Variants in KAZN observed in about 807,000 individuals in gnomAD.
The protein encoded by KAZN is kazrin.
KAZN carries 40 observed loss-of-function variants against 87.4 expected under a neutral mutation model. The ratio of observed to expected loss-of-function variants is 0.46; its 90% confidence interval spans 0.36 to 0.60. The LOEUF (loss-of-function observed/expected upper bound fraction) is 0.60. Among genes scored for constraint, KAZN ranks in the 20% least tolerant of loss-of-function variants. KAZN has a pLI of 0.00. For missense variants in KAZN, 898 were observed against 1,073.9 expected (o/e 0.84, Z 2.29); for synonymous variants, 466 against 458.3 (o/e 1.02, Z -0.22).
chr1:15,070,273 T>C (rs10927664), intron 8 of KAZN, among the ~76,000 whole-genome samples: 12,771 of 152,264 alleles, frequency 0.084, 1,696 homozygotes, highest in African/African-American at 0.29. Flanking sequence ...CTCACTTTTG[T>C]GACTCAGTCT....
chr1:14,120,594 G>C (rs188777523), intron 1 of KAZN, among the ~76,000 whole-genome samples: 45 of 152,306 alleles, frequency 3.0e-4, no homozygotes, highest in Admixed American at 2.9e-3. Context: ...AGAGGTACCT[G>C]GTCCAAATAT....
chr1:14,801,239 C>T (rs1259699637), intron 1 of KAZN, among the ~76,000 whole-genome samples: 1 of 151,986 alleles, frequency 6.6e-6, no homozygotes, highest in African/African-American at 2.4e-5. Flanking sequence ...TTTCTCTCTC[C>T]GTCACCGCTC....
intron 2 of KAZN, among the ~76,000 whole-genome samples, chr1:14,446,806 G>A (rs1386371288): frequency 6.6e-6 from 1 of 152,062 alleles, no homozygotes; most frequent in East Asian, 1.9e-4. Context: ...GATTGCTGGG[G>A]CTTGACCCTG....
intron 1 of KAZN, among the ~76,000 whole-genome samples, chr1:13,912,804 T>A (rs1398631658): frequency 2.0e-5 from 3 of 151,080 alleles, no homozygotes. Context: ...CTATGTTGGC[T>A]AGGCTGGTCT....
intron 1 of KAZN, among the ~76,000 whole-genome samples, chr1:14,016,948 T>C (rs1479794043): frequency 6.6e-6 from 1 of 152,216 alleles, no homozygotes; most frequent in Non-Finnish European, 1.5e-5. Flanking sequence ...TAAAAATGTC[T>C]TTGCTGCTTT....
intron 1 of KAZN, among the ~76,000 whole-genome samples, chr1:14,609,618 G>T (rs774631903): frequency 6.6e-6 from 1 of 152,070 alleles, no homozygotes; most frequent in African/African-American, 2.4e-5. Flanking sequence ...CCTTTTTTCA[G>T]GATTCTCCTG....
At chr1:14,591,660 T>C (rs1033019473) in intron 2 of KAZN, among the ~76,000 whole-genome samples, 3 of 152,198 alleles carry the variant, frequency 2.0e-5, no homozygotes, top group Non-Finnish European at 4.4e-5. Flanking sequence ...GTTGGTTAAA[T>C]ATATACACAG....
chr1:14,423,526 C>G (rs1665547966), intron 2 of KAZN, among the ~76,000 whole-genome samples: 1 of 152,086 alleles, frequency 6.6e-6, no homozygotes, highest in East Asian at 1.9e-4. Flanking sequence ...TTTTGAAGAC[C>G]TCAGCTCCCC....
intron 1 of KAZN, among the ~76,000 whole-genome samples, chr1:14,068,021 A>G (rs967304790): frequency 1.3e-5 from 2 of 152,150 alleles, no homozygotes; most frequent in Non-Finnish European, 2.9e-5. Flanking sequence ...CAGAGCCGGA[A>G]TACTTTGGCC....
intron 2 of KAZN, among the ~76,000 whole-genome samples, chr1:14,296,984 GTGTGCATA>G (rs1040081425): frequency 6.6e-6 from 1 of 152,126 alleles, no homozygotes; most frequent in African/African-American, 2.4e-5. Context: ...GTGTATATTT[GTGTGCATA>G]TGTGCATGTG....
chr1:14,797,877 A>G (rs1212353235), intron 1 of KAZN, among the ~76,000 whole-genome samples: 1 of 152,182 alleles, frequency 6.6e-6, no homozygotes, highest in Non-Finnish European at 1.5e-5. Context: ...TCCTAACTCA[A>G]CACTTAAAAG....
intron 1 of KAZN, among the ~76,000 whole-genome samples, chr1:13,928,293 G>T (rs1640362783): frequency 6.6e-6 from 1 of 152,196 alleles, no homozygotes; most frequent in Admixed American, 6.5e-5. Flanking sequence ...TCTGGATCAT[G>T]TATGATGATG....
chr1:15,085,982 T>A (rs181312651), intron 8 of KAZN, among the ~76,000 whole-genome samples: 46 of 148,714 alleles, frequency 3.1e-4, no homozygotes, highest in African/African-American at 1.0e-3. Context: ...AAAGAAAAAA[T>A]TTTTTTGAGA....
chr1:14,258,308 C>T (rs1324963093), intron 2 of KAZN, among the ~76,000 whole-genome samples: 9 of 150,858 alleles, frequency 6.0e-5, no homozygotes, highest in Admixed American at 2.0e-4. Flanking sequence ...CTCTGCCTCC[C>T]GGGTTCACAC....
At chr1:14,177,649 C>G (rs1273790017) in intron 1 of KAZN, among the ~76,000 whole-genome samples, 1 of 152,092 alleles carries the variant, frequency 6.6e-6, no homozygotes, top group African/African-American at 2.4e-5. Flanking sequence ...TTTTTGGTCT[C>G]TAAATGTAAC....
At chr1:14,443,985 G>A (rs926125493) in intron 2 of KAZN, among the ~76,000 whole-genome samples, 1 of 152,100 alleles carries the variant, frequency 6.6e-6, no homozygotes, top group Non-Finnish European at 1.5e-5. Context: ...TAGAAGACAG[G>A]TAAATTGAAA....
intron 2 of KAZN, among the ~76,000 whole-genome samples, chr1:14,217,151 G>A (rs1262652472): frequency 2.0e-5 from 3 of 152,106 alleles, no homozygotes; most frequent in Non-Finnish European, 4.4e-5. Context: ...TCAAGATGCA[G>A]CAAGAAGACT....
chr1:14,002,195 T>C (rs1334338954), intron 1 of KAZN, among the ~76,000 whole-genome samples: 2 of 152,216 alleles, frequency 1.3e-5, no homozygotes, highest in African/African-American at 4.8e-5. Flanking sequence ...GCAAAGGACA[T>C]GAACAGACCG....
chr1:14,103,858 C>T (rs1480029857), intron 1 of KAZN, among the ~76,000 whole-genome samples: 3 of 152,104 alleles, frequency 2.0e-5, no homozygotes, highest in Non-Finnish European at 2.9e-5. Context: ...ACGGAGACAT[C>T]GTTGGGGGCC....
Sources: allele counts gnomAD v4.1 joint callset (sites outside exome capture counted in the v4.1 genomes callset), GRCh38; gene constraint gnomAD v4.1.1; transcripts MANE v1.5; gene names NCBI Gene and HGNC (gene_info 2026-07-23, HGNC 2026-07-21).